The following CSTF3 variants were observed in gnomAD, a reference collection of about 807,000 sequenced individuals.
CSTF3 encodes the protein CF-1 77 kDa subunit.
CSTF3 carries 29 observed loss-of-function variants against 105.8 expected under a neutral mutation model. The ratio of observed to expected loss-of-function variants is 0.27; its 90% CI spans 0.20 to 0.37. CSTF3 has a LOEUF of 0.37. Ranked by LOEUF, CSTF3 falls within the 10% of genes least tolerant of loss-of-function variation. The pLI, the probability that CSTF3 is intolerant of heterozygous loss-of-function variation, is 1.00. For missense variants in CSTF3, 357 were observed against 879.3 expected, an observed-to-expected ratio of 0.41 and a Z score of 7.51; for synonymous variants, 252 against 281.9, an observed-to-expected ratio of 0.89 and a Z score of 1.06.
At position 33,098,735 on chromosome 11, in the gene CSTF3, A is replaced by G. The variant is rs1449116771; in HGVS notation, c.1083T>C (p.Ser361=). The G allele has an allele frequency of 1.0e-5, 16 of 1,551,766 alleles. No individual in the cohort carries two copies. The highest frequency in any genetic ancestry group is 2.8e-5 in the African/African-American group (2 of 70,918). The change falls in exon 13 of 21, where the codon AGT becomes AGC. Residue 361 remains serine, a synonymous_variant. Transcript: ENST00000323959. ...ESRMKYEKVH[S]IYNRLLAIED... ...CAATTGCCAGAAGTCTGTTATATAT[A>G]CTGTGAACCTTTTCATACTTCATGC...
rs1855322276 is a variant in CSTF3 at position 33,106,036 on chromosome 11, CAA to C, written c.383_384del (p.Phe128CysfsTer4). ...YKEKMAQAYD[F>X]ALDKIGMEIM... The stretch of plus-strand genomic sequence containing the variant: ...ATTTCCATTCCAATTTTATCCAGTG[CAA>C]AGTCATATGCTTGAGCCATTTTTTC... On this transcript the variant is annotated frameshift_variant, in exon 6 of 21. Transcript: ENST00000323959. LOFTEE classifies it high-confidence loss of function. 1.2e-6 allele frequency: 2 copies of C among 1,613,082 alleles called. No homozygotes were observed. The highest frequency in any genetic ancestry group is 1.7e-6 in the Non-Finnish European group (2 of 1,179,462).
intron 17 of CSTF3, among the ~76,000 whole-genome samples, chr11:33,090,205 T>C (rs1011502454): frequency 6.6e-6 from 1 of 152,152 alleles, no homozygotes; most frequent in African/African-American, 2.4e-5. Flanking sequence ...AAAAAAGTAA[T>C]ACCTAAGATG....
chr11:33,153,028 C>CA (rs1198758700), intron 1 of CSTF3, among the ~76,000 whole-genome samples: 1 of 150,750 alleles, frequency 6.6e-6, no homozygotes, highest in Non-Finnish European at 1.5e-5. Context: ...GAAATTAAAA[C>CA]AAAAAATTAA....
In CSTF3 at chr11:33,105,630, T is replaced by A. The variant is rs754715804; in HGVS notation, c.522A>T (p.Arg174=). The A allele has an allele frequency of 6.2e-7, 1 of 1,613,246 alleles. No homozygotes were observed. Among genetic ancestry groups the A allele is most frequent in the East Asian group, 2.2e-5 (1 of 44,808 alleles). Residue 174 remains arginine, a synonymous_variant, in exon 8 of 21, where the codon CGA becomes CGT. Coordinates refer to ENST00000323959, the MANE Select transcript of CSTF3 (RefSeq NM_001326.3). The part of the protein sequence containing the change: ...RITAVRRVYQ[R]GCVNPMINIE... ...TGTTGATCATCGGATTAACACAACC[T>A]CGTTGATAAACTCTTCGGACAGCTG...
At chr11:33,138,690 T>G (rs1855679529) in intron 3 of CSTF3, among the ~76,000 whole-genome samples, 1 of 151,932 alleles carries the variant, frequency 6.6e-6, no homozygotes, top group South Asian at 2.1e-4. Context: ...ACTATCACTT[T>G]AAGAATAGTC....
intron 3 of CSTF3, among the ~76,000 whole-genome samples, chr11:33,130,004 T>G (rs1162014980): frequency 6.6e-6 from 1 of 152,240 alleles, no homozygotes; most frequent in East Asian, 1.9e-4. Flanking sequence ...CTAAGCCTGA[T>G]GCACCACAAA....
intron 3 of CSTF3, among the ~76,000 whole-genome samples, chr11:33,109,529 C>CA (rs1855359312): frequency 6.6e-6 from 1 of 152,188 alleles, no homozygotes; most frequent in Non-Finnish European, 1.5e-5. Context: ...GCTCTGGAGT[C>CA]AGACCTCTTA....
chr11:33,084,931 T>C lies in CSTF3; in HGVS notation c.*156A>G, dbSNP rs1201632044. On this transcript the variant is annotated 3_prime_UTR_variant, in exon 21 of 21. Transcript: ENST00000323959. Reference sequence around the variant, plus strand: ...TCCGTATTCTAAAATTCACACAGGTTGGTTTGTTTTTTCTCAAGAACCATG... The same window carrying C: ...TCCGTATTCTAAAATTCACACAGGTCGGTTTGTTTTTTCTCAAGAACCATG... The C allele has an allele frequency of 1.3e-6, 1 of 774,866 alleles. No individual in the cohort carries two copies. Among genetic ancestry groups the C allele is most frequent in the South Asian group, 1.6e-5 (1 of 60,890 alleles). The allele number at this position is 774,866 out of a possible 1,614,324, so 48.0% of individuals were successfully genotyped here.
At chr11:33,143,785 T>C (rs1001868557) in intron 1 of CSTF3, among the ~76,000 whole-genome samples, 5 of 151,400 alleles carry the variant, frequency 3.3e-5, no homozygotes, top group East Asian at 1.9e-4. Context: ...GGTCAGGAGA[T>C]TGGGACCATC....
At chr11:33,096,625 A>C (rs557137623) in intron 14 of CSTF3, among the ~76,000 whole-genome samples, 1 of 152,366 alleles carries the variant, frequency 6.6e-6, no homozygotes, top group Admixed American at 6.5e-5. Context: ...AATAAAGCAC[A>C]AATTAGAAAT....
intron 15 of CSTF3, among the ~76,000 whole-genome samples, chr11:33,095,541 G>A (rs973194793): frequency 2.0e-5 from 3 of 152,122 alleles, no homozygotes; most frequent in Non-Finnish European, 4.4e-5. Flanking sequence ...CTAAAAACCG[G>A]CCGGGCGCGG....
intron 1 of CSTF3, among the ~76,000 whole-genome samples, chr11:33,157,183 T>G (rs1325547574): frequency 6.6e-6 from 1 of 152,132 alleles, no homozygotes; most frequent in Non-Finnish European, 1.5e-5. Context: ...TGAAACACCA[T>G]TTCTACTAAA....
In CSTF3 at chr11:33,109,342, G is replaced by C. The variant is rs145685513; in HGVS notation, c.226-924C>G. Reference sequence around the variant, plus strand: ...TTATCTCAAGTAGTACAGTAATAGAGTAGTATTCCCAGTTTTATGGCTTAA... The same window carrying C: ...TTATCTCAAGTAGTACAGTAATAGACTAGTATTCCCAGTTTTATGGCTTAA... On this transcript the variant is annotated intron_variant, in intron 3 of 20. Transcript: ENST00000323959. Among the ~76,000 whole-genome samples the C allele has an allele frequency of 2.0e-5, 3 of 152,308 alleles. No individual in the cohort carries two copies. The East Asian group carries it at 5.8e-4, about 29-fold the overall frequency.
chr11:33,143,862 C>T (rs1254429299), intron 1 of CSTF3, among the ~76,000 whole-genome samples: 2 of 151,328 alleles, frequency 1.3e-5, no homozygotes, highest in Non-Finnish European at 2.9e-5. Flanking sequence ...TGGTGGTGGG[C>T]GCCTGTAGTC....
chr11:33,142,699 TATTG>T (rs755257785), intron 1 of CSTF3, among the ~76,000 whole-genome samples: 10 of 152,342 alleles, frequency 6.6e-5, no homozygotes, highest in South Asian at 2.1e-4. Flanking sequence ...CAAATTTAAA[TATTG>T]ATTGATTTAC....
chr11:33,126,373 G>A (rs1475577894), intron 3 of CSTF3, among the ~76,000 whole-genome samples: 1 of 151,994 alleles, frequency 6.6e-6, no homozygotes, highest in African/African-American at 2.4e-5. Context: ...AGCCCACACG[G>A]TGGAGGTTAC....
intron 4 of CSTF3, 37 bp from the exon 5 acceptor site, chr11:33,108,037 A>C: frequency 7.5e-7 from 1 of 1,338,922 alleles, no homozygotes; most frequent in Non-Finnish European, 1.0e-6. Context: ...AATCCAGTTA[A>C]ATAAATTTCA....
intron 17 of CSTF3, among the ~76,000 whole-genome samples, chr11:33,087,508 CAT>C (rs763319389): frequency 6.6e-6 from 1 of 152,186 alleles, no homozygotes. Flanking sequence ...ACCTCCCTTC[CAT>C]TAGAATTGAA....
intron 17 of CSTF3, 33 bp from the exon 18 acceptor site, chr11:33,087,174 G>A (rs1855114530): frequency 6.2e-7 from 1 of 1,606,270 alleles, no homozygotes; most frequent in Non-Finnish European, 8.5e-7. Context: ...TCCTAAACCT[G>A]AAAAAGGGAC....
Sources: gnomAD v4.1 joint callset for allele counts (sites outside exome capture counted in the v4.1 genomes callset) on GRCh38, gnomAD v4.1.1 for gene constraint, MANE v1.5 for transcripts, NCBI Gene and HGNC (gene_info 2026-07-23, HGNC 2026-07-21) for gene names.